Variants in CNOT2 observed in about 807,000 individuals in gnomAD.
CNOT2 encodes CC chemokine receptor 4-negative regulator of transcription 2.
Under a neutral mutation model 72.1 loss-of-function variants are expected in CNOT2, and 7 were observed. The observed-to-expected ratio is 0.10, with a 90% CI of 0.06 to 0.18. The LOEUF (loss-of-function observed/expected upper bound fraction) is 0.18. Among genes scored for constraint, CNOT2 ranks in the 10% least tolerant of loss-of-function variants. The probability of loss-of-function intolerance (pLI) is 1.00; values close to 1 mark genes in which losing one functional copy is unlikely to be tolerated. For missense variants in CNOT2, 345 were observed against 660.3 expected (o/e 0.52, Z 5.23); for synonymous variants, 196 against 225.6 (o/e 0.87, Z 1.17).
chr12:70,284,736 G>A (rs968505169), intron 2 of CNOT2, among the ~76,000 whole-genome samples: 5 of 152,046 alleles, frequency 3.3e-5, no homozygotes, highest in Non-Finnish European at 5.9e-5. Context: ...TGCATTATAC[G>A]TTCTGATACT....
chr12:70,316,716 G>C (rs1877399372), intron 3 of CNOT2, among the ~76,000 whole-genome samples: 1 of 152,048 alleles, frequency 6.6e-6, no homozygotes, highest in African/African-American at 2.4e-5. Context: ...ACACACTGTG[G>C]TAAGTGAATC....
At chr12:70,260,780 T>A (rs1051277320) in intron 1 of CNOT2, among the ~76,000 whole-genome samples, 12 of 152,104 alleles carry the variant, frequency 7.9e-5, no homozygotes, top group African/African-American at 2.9e-4. Context: ...TTTAGGATTT[T>A]CTTATCTATG....
intron 4 of CNOT2, among the ~76,000 whole-genome samples, chr12:70,325,880 G>A (rs1485412086): frequency 6.6e-6 from 1 of 151,744 alleles, no homozygotes; most frequent in Non-Finnish European, 1.5e-5. Context: ...TGAATATTCA[G>A]GGATTTGGTT....
At chr12:70,337,347 T>C (rs748461514) in intron 8 of CNOT2, 42 bp from the exon 9 acceptor site, 29 of 1,548,148 alleles carry the variant, frequency 1.9e-5, no homozygotes, top group Non-Finnish European at 2.6e-5. Flanking sequence ...CAAAATATCA[T>C]AAATATCAAT....
intron 1 of CNOT2, chr12:70,244,124 A>C (rs1957743736): frequency 6.6e-6 from 1 of 152,480 alleles, no homozygotes; most frequent in African/African-American, 2.4e-5. Flanking sequence ...GGGATACCGA[A>C]GGCTGTGCAT....
At position 70,311,005 on chromosome 12, in the gene CNOT2, G is replaced by A. The variant is rs1876360528; in HGVS notation, c.159G>A (p.Arg53=). The A allele has an allele frequency of 6.3e-7, 1 of 1,598,670 alleles. No individual in the cohort carries two copies. The highest frequency in any genetic ancestry group is 2.2e-5 in the East Asian group (1 of 44,760). The stretch of plus-strand genomic sequence containing the variant: ...GCCAGTCTTCTATGTTTCCACATCG[G>A]TCAGAAAAAGATGTAAGTTAATCAA... The part of the protein sequence containing the change: ...YYSQSSMFPH[R]SEKDMLASPS... The change falls in exon 3 of 16, where the codon CGG becomes CGA. Residue 53 remains arginine (R), a synonymous_variant. Transcript: ENST00000229195.
intron 13 of CNOT2, chr12:70,343,810 T>G: frequency 4.7e-6 from 1 of 213,266 alleles, no homozygotes; most frequent in Admixed American, 5.6e-5. Context: ...CACAATGCTA[T>G]TGTTAGGTTC....
chr12:70,305,834 C>T (rs913923445), intron 2 of CNOT2, among the ~76,000 whole-genome samples: 2 of 143,930 alleles, frequency 1.4e-5, no homozygotes, highest in South Asian at 2.2e-4. Flanking sequence ...CCACTTTACC[C>T]GTCTTCTCTG....
At chr12:70,344,417 C>A in intron 14 of CNOT2, 189 bp downstream of exon 14, 1 of 492,798 alleles carries the variant, frequency 2.0e-6, no homozygotes, top group Non-Finnish European at 3.6e-6. Context: ...AATCTATATA[C>A]CTAAAAAGAA....
chr12:70,283,701 T>A (rs1370030037), intron 2 of CNOT2, among the ~76,000 whole-genome samples: 6 of 150,536 alleles, frequency 4.0e-5, no homozygotes, highest in African/African-American at 1.5e-4. Flanking sequence ...ATTGGTTCAG[T>A]TTCCTCTTCT....
chr12:70,262,100 T>C (rs1958798314), intron 1 of CNOT2, among the ~76,000 whole-genome samples: 1 of 152,124 alleles, frequency 6.6e-6, no homozygotes, highest in African/African-American at 2.4e-5. Flanking sequence ...TCTTTTTTTT[T>C]CTTTTCTTGG....
rs1307908563 is a variant in CNOT2 at position 70,264,962 on chromosome 12, A to G, written c.-95-13170A>G. On this transcript the variant is annotated intron_variant, in intron 1 of 15. Transcript: ENST00000229195. ...TTTTTTCATTGATTGAATTTTGACA[A>G]TTAAGTCAGTCTTATTTTCTCTGGA... Among the ~76,000 whole-genome samples the G allele has an allele frequency of 2.0e-5, 3 of 152,052 alleles. No individual in the cohort carries two copies. In the South Asian group the frequency reaches 6.2e-4, roughly 32 times the overall value.
chr12:70,293,206 G>A (rs1418480686), intron 2 of CNOT2, among the ~76,000 whole-genome samples: 1 of 149,680 alleles, frequency 6.7e-6, no homozygotes, highest in Non-Finnish European at 1.5e-5. Flanking sequence ...TATCACCCAG[G>A]CTGGAGTGCA....
At chr12:70,285,170 A>G (rs2135837111) in intron 2 of CNOT2, among the ~76,000 whole-genome samples, 1 of 152,308 alleles carries the variant, frequency 6.6e-6, no homozygotes, top group Admixed American at 6.5e-5. Context: ...AATCAGAGAA[A>G]ATACAGAAGC....
chr12:70,337,347 T>A, intron 8 of CNOT2, 42 bp from the exon 9 acceptor site: 1 of 1,548,266 alleles, frequency 6.5e-7, no homozygotes, highest in Non-Finnish European at 8.9e-7. Flanking sequence ...CAAAATATCA[T>A]AAATATCAAT....
intron 2 of CNOT2, among the ~76,000 whole-genome samples, chr12:70,310,166 C>T (rs994392600): frequency 6.6e-5 from 10 of 152,018 alleles, no homozygotes; most frequent in Middle Eastern, 3.4e-3. Flanking sequence ...ATTGAGCATC[C>T]GTGGATTTTA....
At chr12:70,352,234 AT>A (rs1157707932) in intron 15 of CNOT2, among the ~76,000 whole-genome samples, 1 of 88,942 alleles carries the variant, frequency 1.1e-5, no homozygotes. Context: ...CTGGATCCTA[AT>A]GCTAGGTGTG....
At chr12:70,302,106 C>T (rs1231425847) in intron 2 of CNOT2, among the ~76,000 whole-genome samples, 3 of 151,396 alleles carry the variant, frequency 2.0e-5, no homozygotes, top group Admixed American at 6.6e-5. Context: ...TGATTCTTCT[C>T]TCTTCTTTAT....
chr12:70,346,979 T>TAGAGAATATATTATTCTCTACATGTGG (rs537972516), intron 15 of CNOT2, among the ~76,000 whole-genome samples: 11,915 of 151,130 alleles, frequency 0.079, 545 homozygotes, highest in Admixed American at 0.15. Flanking sequence ...GTCTGCCTAG[T>TAGAGAATATATTATTCTCTACATGTGG]AGAGAATATA....
Sources: allele counts gnomAD v4.1 joint callset (sites outside exome capture counted in the v4.1 genomes callset), GRCh38; gene constraint gnomAD v4.1.1; transcripts MANE v1.5; gene names NCBI Gene and HGNC (gene_info 2026-07-23, HGNC 2026-07-21).